The following SOX6 variants were observed in gnomAD, a reference collection of about 807,000 sequenced individuals.
The protein encoded by SOX6 is SRY-box transcription factor 6, also known as transcription factor SOX-6.
Under a neutral mutation model 97.8 loss-of-function variants are expected in SOX6, and 11 were observed. That is an observed-to-expected ratio of 0.11 (90% CI 0.07 to 0.19). SOX6 has a LOEUF of 0.19. Ranked by LOEUF, SOX6 falls within the 10% of genes least tolerant of loss-of-function variation. The pLI is 1.00. For synonymous variants in SOX6, 360 were observed against 371.4 expected (o/e 0.97, Z 0.35); for missense variants, 810 against 1,039.5 (o/e 0.78, Z 3.04).
intron 3 of SOX6, among the ~76,000 whole-genome samples, chr11:16,242,696 G>A (rs756020657): frequency 1.3e-5 from 2 of 149,402 alleles, no homozygotes; most frequent in Non-Finnish European, 3.0e-5. Context: ...TCAAAGTTAC[G>A]TGTTCAAAAC....
intron 3 of SOX6, among the ~76,000 whole-genome samples, chr11:16,614,137 A>G (rs550908649): frequency 6.6e-6 from 1 of 152,212 alleles, no homozygotes; most frequent in African/African-American, 2.4e-5. Flanking sequence ...CGGCTCCGAA[A>G]CTCCAAACAC....
chr11:16,455,559 T>C (rs1565151512), intron 1 of SOX6, among the ~76,000 whole-genome samples: 1 of 152,070 alleles, frequency 6.6e-6, no homozygotes, highest in East Asian at 1.9e-4. Context: ...GTAAAATGTT[T>C]TTGGTATGTA....
At chr11:16,394,203 T>G (rs568805206) in intron 1 of SOX6, among the ~76,000 whole-genome samples, 29 of 152,046 alleles carry the variant, frequency 1.9e-4, no homozygotes, top group African/African-American at 6.7e-4. Flanking sequence ...ACCATCAGAA[T>G]TCCATAGTCA....
chr11:16,012,820 T>C (rs1444693567), intron 13 of SOX6, among the ~76,000 whole-genome samples: 2 of 151,958 alleles, frequency 1.3e-5, no homozygotes, highest in Non-Finnish European at 2.9e-5. Flanking sequence ...TCACAATGTG[T>C]ATAAGGATTA....
chr11:16,494,014 G>T (rs986251151), intron 4 of SOX6, among the ~76,000 whole-genome samples: 1 of 152,110 alleles, frequency 6.6e-6, no homozygotes, highest in Admixed American at 6.5e-5. Flanking sequence ...CAATCAAAAA[G>T]TCCATTAATG....
chr11:16,295,473 G>A (rs141378303), intron 3 of SOX6, among the ~76,000 whole-genome samples: 5 of 151,998 alleles, frequency 3.3e-5, no homozygotes, highest in South Asian at 2.1e-4. Flanking sequence ...ATAGCCATCC[G>A]GAAATAAATA....
Position 16,184,936 on chromosome 11 carries a change from T to G in SOX6, c.709-982A>C, listed in dbSNP as rs112344764. Among the ~76,000 whole-genome samples, 223 of 152,174 alleles carry G rather than the reference T, an allele frequency of 1.5e-3. 1 individual carries two copies. Among genetic ancestry groups the G allele is most frequent in the Non-Finnish European group, 5.0e-4 (34 of 67,996 alleles). ...TTTAGTAGTGCCTTTTTGTCAAGAG[T>G]GTCTTTTCTTCCTATTTCTTCCTAC... On this transcript the variant is annotated intron_variant, in intron 5 of 15. Coordinates refer to ENST00000683767, the MANE Select transcript of SOX6 (RefSeq NM_001367873.1).
rs1341750055 is a variant in SOX6, at chr11:15,969,387, AACTG to A, written c.*3418_*3421del. 5.3e-5 allele frequency: 8 copies of A among 152,224 alleles called. No homozygotes were observed. The highest frequency in any genetic ancestry group is 7.3e-5 in the Non-Finnish European group (5 of 68,038). 9.4% of individuals were successfully genotyped at this position (152,224 alleles called of 1,614,324 possible). On this transcript the variant is annotated 3_prime_UTR_variant, in exon 16 of 16. Transcript: ENST00000683767. ...AAGATTTATGTAGACTCCCAAAGCA[AACTG>A]ACTGTCTCCTAACTGTAGTGGAAAT...
chr11:16,384,414 A>G (rs999272318), intron 1 of SOX6, among the ~76,000 whole-genome samples: 10 of 151,920 alleles, frequency 6.6e-5, no homozygotes, highest in Non-Finnish European at 1.2e-4. Flanking sequence ...TAAGAGAAAA[A>G]TTTGATTAGT....
chr11:16,065,858 G>C (rs1848082301), intron 9 of SOX6, among the ~76,000 whole-genome samples: 1 of 152,088 alleles, frequency 6.6e-6, no homozygotes, highest in Non-Finnish European at 1.5e-5. Context: ...TCTGGGCAAA[G>C]ATTTCTTGAG....
At chr11:16,000,434 A>C (rs2119890308) in intron 13 of SOX6, among the ~76,000 whole-genome samples, 1 of 152,350 alleles carries the variant, frequency 6.6e-6, no homozygotes, top group African/African-American at 2.4e-5. Flanking sequence ...AAGGTAGGCA[A>C]ATGCAAAATA....
intron 13 of SOX6, among the ~76,000 whole-genome samples, chr11:16,013,473 G>A (rs1854791363): frequency 6.6e-6 from 1 of 151,954 alleles, no homozygotes; most frequent in South Asian, 2.1e-4. Context: ...CTTATCGGTG[G>A]AAAACCTGCA....
At chr11:16,725,695 T>C (rs111388841) in intron 2 of SOX6, among the ~76,000 whole-genome samples, 2,039 of 152,180 alleles carry the variant, frequency 0.013, 52 homozygotes, top group African/African-American at 0.047. Flanking sequence ...GTTTCTTTTT[T>C]TCTCTCTCTA....
intron 4 of SOX6, among the ~76,000 whole-genome samples, chr11:16,584,474 A>G (rs1848070308): frequency 6.6e-6 from 1 of 152,184 alleles, no homozygotes; most frequent in Non-Finnish European, 1.5e-5. Context: ...CCACTCAAAT[A>G]GCATATCATC....
At chr11:16,144,317 C>A (rs1355542025) in intron 6 of SOX6, among the ~76,000 whole-genome samples, 1 of 152,098 alleles carries the variant, frequency 6.6e-6, no homozygotes, top group African/African-American at 2.4e-5. Context: ...AACAAAGACA[C>A]AACATACCAG....
chr11:16,604,854 C>T (rs1818406419), intron 4 of SOX6, among the ~76,000 whole-genome samples: 1 of 152,248 alleles, frequency 6.6e-6, no homozygotes, highest in Non-Finnish European at 1.5e-5. Context: ...AAGCTGGCGA[C>T]TGCCACCTTT....
intron 9 of SOX6, among the ~76,000 whole-genome samples, chr11:16,076,295 A>G (rs2133948727): frequency 6.6e-6 from 1 of 152,250 alleles, no homozygotes; most frequent in South Asian, 2.1e-4. Flanking sequence ...AAGCTAAAGA[A>G]ATTATCAACA....
At chr11:16,066,041 T>C (rs1235853219) in intron 9 of SOX6, among the ~76,000 whole-genome samples, 2 of 152,136 alleles carry the variant, frequency 1.3e-5, no homozygotes, top group Admixed American at 6.5e-5. Flanking sequence ...AACTAGAATA[T>C]ATAAGGAGCT....
chr11:16,615,862 G>T (rs1342897519), intron 3 of SOX6, among the ~76,000 whole-genome samples: 3 of 151,822 alleles, frequency 2.0e-5, no homozygotes, highest in Non-Finnish European at 4.4e-5. Flanking sequence ...ATGATACACA[G>T]AATTTTGGAA....
Sources: allele counts gnomAD v4.1 joint callset (sites outside exome capture counted in the v4.1 genomes callset), GRCh38; gene constraint gnomAD v4.1.1; transcripts MANE v1.5; gene names NCBI Gene and HGNC (gene_info 2026-07-23, HGNC 2026-07-21).